The following SNTG1 variants were observed in gnomAD, a reference collection of about 807,000 sequenced individuals.
The protein encoded by SNTG1 is syntrophin gamma 1, also known as gamma-1-syntrophin.
A neutral mutation model predicts 74.7 loss-of-function variants in SNTG1; 39 were observed. The ratio of observed to expected loss-of-function variants is 0.52; its 90% confidence interval spans 0.40 to 0.68. SNTG1 has a LOEUF of 0.68. Among genes scored for constraint, SNTG1 ranks in the 30% least tolerant of loss-of-function variants. The pLI is 0.00. For synonymous variants in SNTG1, 254 were observed against 217.1 expected (o/e 1.17, Z -1.49); for missense variants, 685 against 609.5 (o/e 1.12, Z -1.30).
chr8:50,679,259 T>A lies in SNTG1; in HGVS notation c.1038+20596T>A, dbSNP rs77598403. Among the ~76,000 whole-genome samples the A allele has an allele frequency of 2.4e-3, 369 of 152,216 alleles. 2 individuals are homozygous for A. The highest frequency in any genetic ancestry group is 5.7e-3 in the Admixed American group (87 of 15,270). ...TACTAAGTATTACTTAGTTGTTGTA[T>A]GTCTAATTAACATGGATTACTGAAT... On this transcript the variant is annotated intron_variant, in intron 15 of 18. Transcript: ENST00000642720.
chr8:50,672,409 T>A (rs563309108), intron 15 of SNTG1, among the ~76,000 whole-genome samples: 4 of 152,180 alleles, frequency 2.6e-5, no homozygotes, highest in Non-Finnish European at 5.9e-5. Flanking sequence ...TCATTGTGGT[T>A]AGATTTGCAT....
chr8:50,528,639 GA>G (rs1205603624), intron 9 of SNTG1, among the ~76,000 whole-genome samples: 16 of 151,396 alleles, frequency 1.1e-4, no homozygotes, highest in Admixed American at 6.6e-5. Flanking sequence ...ATTTTGGTTA[GA>G]TTTTTTTTAA....
At position 50,089,471 on chromosome 8, in the gene SNTG1, C is replaced by A. The variant is rs1022725314; in HGVS notation, c.-102-83090C>A. ...AACTACCATCAGAGTGAACAGGCAACCTACAAAATGGGAGAAAATTTTTGC... is the reference window on the plus strand; with the variant it reads ...AACTACCATCAGAGTGAACAGGCAAACTACAAAATGGGAGAAAATTTTTGC... On this transcript the variant is annotated intron_variant, in intron 1 of 18. Transcript: ENST00000642720. Among the ~76,000 whole-genome samples the A allele has an allele frequency of 2.0e-5, 3 of 151,640 alleles. 1 individual carries two copies. Among genetic ancestry groups the A allele is most frequent in the Middle Eastern group, 6.8e-3 (2 of 294 alleles).
At chr8:50,444,453 C>T (rs544609588) in intron 5 of SNTG1, among the ~76,000 whole-genome samples, 1 of 152,202 alleles carries the variant, frequency 6.6e-6, no homozygotes, top group African/African-American at 2.4e-5. Context: ...CCATTTCCAT[C>T]ATAAAAGTAG....
chr8:49,929,585 C>T (rs1011624605), intron 1 of SNTG1, among the ~76,000 whole-genome samples: 1 of 152,222 alleles, frequency 6.6e-6, no homozygotes, highest in Non-Finnish European at 1.5e-5. Flanking sequence ...GGCTGCCCCC[C>T]TCCCATCCCA....
chr8:49,925,102 A>T (rs1806902576), intron 1 of SNTG1, among the ~76,000 whole-genome samples: 1 of 152,146 alleles, frequency 6.6e-6, no homozygotes, highest in African/African-American at 2.4e-5. Context: ...GCAGTGAGCC[A>T]TAATCATACC....
intron 1 of SNTG1, among the ~76,000 whole-genome samples, chr8:50,080,583 A>G (rs1400947777): frequency 6.6e-6 from 1 of 151,728 alleles, no homozygotes; most frequent in African/African-American, 2.4e-5. Flanking sequence ...GTGCCATTTT[A>G]ATTTCTGTTT....
At chr8:50,292,093 G>A (rs1169978625) in intron 2 of SNTG1, among the ~76,000 whole-genome samples, 1 of 152,114 alleles carries the variant, frequency 6.6e-6, no homozygotes, top group Non-Finnish European at 1.5e-5. Flanking sequence ...CAGGGAATAG[G>A]TTAATCCTAC....
chr8:50,360,773 G>A (rs1242410497), intron 2 of SNTG1, among the ~76,000 whole-genome samples: 1 of 152,004 alleles, frequency 6.6e-6, no homozygotes, highest in Non-Finnish European at 1.5e-5. Context: ...ATAAAAAATG[G>A]TACACCTATA....
intron 15 of SNTG1, among the ~76,000 whole-genome samples, chr8:50,680,479 T>C (rs1399129689): frequency 6.6e-6 from 1 of 152,124 alleles, no homozygotes; most frequent in Non-Finnish European, 1.5e-5. Flanking sequence ...ATTTTCAATT[T>C]TTCTCATTGG....
intron 2 of SNTG1, among the ~76,000 whole-genome samples, chr8:50,246,661 G>A (rs1266652940): frequency 6.6e-6 from 1 of 152,112 alleles, no homozygotes; most frequent in Non-Finnish European, 1.5e-5. Flanking sequence ...TGGTGAAGAA[G>A]GGCTCTTTGG....
intron 2 of SNTG1, among the ~76,000 whole-genome samples, chr8:50,355,652 C>T (rs2091796793): frequency 6.6e-6 from 1 of 152,136 alleles, no homozygotes; most frequent in African/African-American, 2.4e-5. Context: ...TATCTTCTGT[C>T]ATCAGTTGCT....
intron 5 of SNTG1, among the ~76,000 whole-genome samples, chr8:50,449,434 T>A (rs1444770093): frequency 6.6e-6 from 1 of 152,222 alleles, no homozygotes. Context: ...TCAATATTTG[T>A]TGATAAATGA....
At chr8:50,301,226 G>A (rs2089631976) in intron 2 of SNTG1, among the ~76,000 whole-genome samples, 1 of 151,966 alleles carries the variant, frequency 6.6e-6, no homozygotes, top group African/African-American at 2.4e-5. Context: ...TATGCTTGAT[G>A]GTGTTCTAAT....
At chr8:49,995,862 C>T (rs997700078) in intron 1 of SNTG1, among the ~76,000 whole-genome samples, 1 of 152,166 alleles carries the variant, frequency 6.6e-6, no homozygotes, top group Admixed American at 6.5e-5. Flanking sequence ...ATTAGCTGAT[C>T]GCAAGATACT....
intron 13 of SNTG1, among the ~76,000 whole-genome samples, chr8:50,640,649 C>T (rs1380335327): frequency 1.3e-5 from 2 of 152,120 alleles, no homozygotes; most frequent in Non-Finnish European, 2.9e-5. Flanking sequence ...AAATCTCTAA[C>T]GTTTTTCTTT....
chr8:50,008,050 G>A (rs1217247866), intron 1 of SNTG1, among the ~76,000 whole-genome samples: 2 of 151,928 alleles, frequency 1.3e-5, no homozygotes, highest in Admixed American at 6.6e-5. Flanking sequence ...CCCTCACCGG[G>A]TCCCTCCCTC....
intron 13 of SNTG1, among the ~76,000 whole-genome samples, chr8:50,591,583 A>G (rs1345313715): frequency 6.6e-6 from 1 of 152,228 alleles, no homozygotes; most frequent in Non-Finnish European, 1.5e-5. Flanking sequence ...TTGAGGATTA[A>G]ATAATAGCAC....
chr8:49,912,876 T>C (rs1805702619), intron 1 of SNTG1, among the ~76,000 whole-genome samples: 2 of 152,214 alleles, frequency 1.3e-5, no homozygotes, highest in Admixed American at 1.3e-4. Flanking sequence ...AGTGTGCCTC[T>C]TTAGGAGAGC....
Sources: gnomAD v4.1 joint callset for allele counts (sites outside exome capture counted in the v4.1 genomes callset) on GRCh38, gnomAD v4.1.1 for gene constraint, MANE v1.5 for transcripts, NCBI Gene and HGNC (gene_info 2026-07-23, HGNC 2026-07-21) for gene names.